MIX23: variants seen among roughly 807,000 people sequenced by gnomAD.
The protein encoded by MIX23 is protein MIX23.
MIX23 carries 13 observed loss-of-function variants against 21.6 expected under a neutral mutation model. That is an observed-to-expected ratio of 0.60 (90% CI 0.39 to 0.96). The LOEUF (loss-of-function observed/expected upper bound fraction) is 0.96. Among genes scored for constraint, MIX23 ranks in the 40% least tolerant of loss-of-function variants. MIX23 has a pLI of 0.00. For missense variants in MIX23, 144 were observed against 171.2 expected (o/e 0.84, Z 0.89); for synonymous variants, 59 against 58.0 (o/e 1.02, Z -0.08).
At chr3:122,367,499 AGGCTTC>A (rs1305037670) in intron 3 of MIX23, among the ~76,000 whole-genome samples, 1 of 152,212 alleles carries the variant, frequency 6.6e-6, no homozygotes, top group East Asian at 1.9e-4. Context: ...TGGGAAAATA[AGGCTTC>A]CTCTGACACA....
Position 122,359,828 on chromosome 3 carries a change from CT to C in MIX23, c.*40del. The C allele has an allele frequency of 4.1e-6, 4 of 974,382 alleles. No homozygotes were observed. Among genetic ancestry groups the C allele is most frequent in the South Asian group, 1.6e-5 (1 of 63,920 alleles). 60.4% of individuals were successfully genotyped at this position (974,382 alleles called of 1,614,324 possible). On this transcript the variant is annotated 3_prime_UTR_variant, in exon 5 of 5. Coordinates refer to ENST00000291458, the MANE Select transcript of MIX23 (RefSeq NM_001017928.4). ...TTAGCTCTTATGAGATGACCCAGTC[CT>C]TAAAAAAAAAAAAAAAAAAAAAAAA...
At chr3:122,379,586 C>T (rs2075514747) in intron 1 of MIX23, among the ~76,000 whole-genome samples, 1 of 152,094 alleles carries the variant, frequency 6.6e-6, no homozygotes, top group South Asian at 2.1e-4. Context: ...GAGGCTTAGC[C>T]CCAATGGCAT....
intron 1 of MIX23, among the ~76,000 whole-genome samples, chr3:122,382,034 C>T (rs1465259195): frequency 1.3e-5 from 2 of 152,118 alleles, no homozygotes; most frequent in African/African-American, 2.4e-5. Context: ...GCAGCCCTAG[C>T]GGACTAATAC....
chr3:122,375,992 T>C (rs530276674), intron 1 of MIX23, among the ~76,000 whole-genome samples: 1 of 151,930 alleles, frequency 6.6e-6, no homozygotes, highest in East Asian at 1.9e-4. Flanking sequence ...TGAAACCCCA[T>C]CTCTACTAAA....
chr3:122,369,903 C>T (rs946896447), intron 2 of MIX23, among the ~76,000 whole-genome samples: 4 of 152,146 alleles, frequency 2.6e-5, no homozygotes, highest in Non-Finnish European at 5.9e-5. Flanking sequence ...GCGCACACCA[C>T]TACGTCCAGC....
chr3:122,374,006 C>T (rs994282945), intron 1 of MIX23, among the ~76,000 whole-genome samples: 1 of 148,580 alleles, frequency 6.7e-6, no homozygotes, highest in Non-Finnish European at 1.5e-5. Context: ...AAATTCCAAA[C>T]AAATGATGGC....
At chr3:122,360,508 T>C (rs1402124400) in intron 4 of MIX23, among the ~76,000 whole-genome samples, 1 of 152,138 alleles carries the variant, frequency 6.6e-6, no homozygotes. Flanking sequence ...GCATATACCA[T>C]CTTTCAGAGG....
At chr3:122,377,758 G>A (rs1336770868) in intron 1 of MIX23, among the ~76,000 whole-genome samples, 9 of 152,164 alleles carry the variant, frequency 5.9e-5, no homozygotes, top group Non-Finnish European at 1.2e-4. Flanking sequence ...TGGGGCAGAA[G>A]GATCACTTGA....
intron 4 of MIX23, among the ~76,000 whole-genome samples, chr3:122,360,912 C>T (rs1053524107): frequency 1.7e-4 from 26 of 152,094 alleles, no homozygotes; most frequent in South Asian, 2.1e-4. Flanking sequence ...GGCGTGATCT[C>T]GGCTCACTGA....
intron 1 of MIX23, among the ~76,000 whole-genome samples, chr3:122,375,324 T>G (rs1404936862): frequency 6.6e-6 from 1 of 151,996 alleles, no homozygotes; most frequent in African/African-American, 2.4e-5. Flanking sequence ...TAACTTATGG[T>G]GGGGGAGACT....
In MIX23 at chr3:122,372,739, G is replaced by C. The variant is rs539350054; in HGVS notation, c.52-939C>G. On this transcript the variant is annotated intron_variant, in intron 1 of 4. Transcript: ENST00000291458. ...CCTAGCTACCTGGGAGGCTGGGGCAGGAAGATCACTGAACCCAGGAGTACA... is the reference window on the plus strand; with the variant it reads ...CCTAGCTACCTGGGAGGCTGGGGCACGAAGATCACTGAACCCAGGAGTACA... Among the ~76,000 whole-genome samples, 7 of 152,166 alleles carry C rather than the reference G, an allele frequency of 4.6e-5. No homozygotes were observed. The South Asian group carries it at 1.0e-3, about 23-fold the overall frequency.
At chr3:122,359,952 AG>A in intron 4 of MIX23, 33 bp from the exon 5 acceptor site, 1 of 1,563,890 alleles carries the variant, frequency 6.4e-7, no homozygotes, top group South Asian at 1.2e-5. Context: ...AAAGTCATTG[AG>A]TTATCCTGCG....
At chr3:122,365,029 A>G (rs2075386626) in intron 3 of MIX23, among the ~76,000 whole-genome samples, 1 of 152,164 alleles carries the variant, frequency 6.6e-6, no homozygotes, top group Non-Finnish European at 1.5e-5. Context: ...ATTACAGCCA[A>G]TTTCTAATAC....
intron 4 of MIX23, among the ~76,000 whole-genome samples, chr3:122,360,968 C>T (rs906379425): frequency 1.4e-4 from 21 of 152,216 alleles, no homozygotes; most frequent in South Asian, 4.2e-4. Context: ...CTCAGCCTCC[C>T]GAGTAGCTGG....
chr3:122,371,624 G>A lies in MIX23; in HGVS notation c.177+51C>T, dbSNP rs1296373231. Reference sequence around the variant, plus strand: ...TACAAGATAACTGATTTCTTATTCAGCCTGCAAAGAAAGGCATGAAAGAAG... The same window carrying A: ...TACAAGATAACTGATTTCTTATTCAACCTGCAAAGAAAGGCATGAAAGAAG... On this transcript the variant is annotated intron_variant, in intron 2 of 4. Coordinates refer to ENST00000291458, the MANE Select transcript of MIX23 (RefSeq NM_001017928.4). The A allele has an allele frequency of 4.4e-6, 7 of 1,592,174 alleles. No homozygotes were observed. The African/African-American group carries it at 9.4e-5, about 21-fold the overall frequency.
Position 122,371,725 on chromosome 3 carries a change from AGGAAGCTGTT to A in MIX23, c.117_126del (p.Thr40LeufsTer18). 3 of 1,612,748 alleles carry A rather than the reference AGGAAGCTGTT, an allele frequency of 1.9e-6. No homozygotes were observed. The highest frequency in any genetic ancestry group is 2.5e-6 in the Non-Finnish European group (3 of 1,179,700). On this transcript the variant is annotated frameshift_variant, in exon 2 of 5. Coordinates refer to ENST00000291458, the MANE Select transcript of MIX23 (RefSeq NM_001017928.4). LOFTEE classifies it high-confidence loss of function. ...TGGCTGGCATCAATTTTCCCTGCAA[AGGAAGCTGTT>A]GGAACCGTAGTGTTTAATTCATGTA...
At chr3:122,360,853 A>AT (rs2075353097) in intron 4 of MIX23, among the ~76,000 whole-genome samples, 1 of 151,974 alleles carries the variant, frequency 6.6e-6, no homozygotes. Flanking sequence ...TTATTTATTT[A>AT]TTTTTTTGAG....
intron 4 of MIX23, among the ~76,000 whole-genome samples, chr3:122,362,758 T>C (rs1413447688): frequency 6.6e-6 from 1 of 152,084 alleles, no homozygotes; most frequent in Non-Finnish European, 1.5e-5. Flanking sequence ...CTAATCGTTA[T>C]AAAATGGCTC....
At chr3:122,375,571 T>C (rs932217706) in intron 1 of MIX23, among the ~76,000 whole-genome samples, 1 of 152,024 alleles carries the variant, frequency 6.6e-6, no homozygotes, top group Non-Finnish European at 1.5e-5. Flanking sequence ...GAAACAAGAG[T>C]AGCCATGAAT....
Sources: gnomAD v4.1 joint callset for allele counts (sites outside exome capture counted in the v4.1 genomes callset) on GRCh38, gnomAD v4.1.1 for gene constraint, MANE v1.5 for transcripts, NCBI Gene and HGNC (gene_info 2026-07-23, HGNC 2026-07-21) for gene names.